ROCK2: variants seen among roughly 807,000 people sequenced by gnomAD.
ROCK2 encodes the protein Rho associated coiled-coil containing protein kinase 2.
Under a neutral mutation model 195.1 loss-of-function variants are expected in ROCK2, and 61 were observed. That is an observed-to-expected ratio of 0.31 (90% confidence interval 0.25 to 0.39). ROCK2 has a LOEUF of 0.39. ROCK2 is among the 10% of genes least tolerant of loss of function. The pLI is 1.00. For missense variants in ROCK2, 1,109 were observed against 1,637.4 expected, an observed-to-expected ratio of 0.68 and a Z score of 5.57; for synonymous variants, 504 against 545.5, an observed-to-expected ratio of 0.92 and a Z score of 1.06.
chr2:11,269,638 G>A (rs887525981), intron 3 of ROCK2, among the ~76,000 whole-genome samples: 11 of 151,888 alleles, frequency 7.2e-5, no homozygotes, highest in Middle Eastern at 3.2e-3. Context: ...CTGTTTCTTC[G>A]GATATAAGAC....
chr2:11,215,124 C>T, intron 15 of ROCK2, 38 bp from the exon 16 acceptor site: 1 of 1,610,428 alleles, frequency 6.2e-7, no homozygotes, highest in South Asian at 1.1e-5. Context: ...AACAAACAAA[C>T]ACACATGTAT....
At chr2:11,260,370 C>T (rs1308674783) in intron 3 of ROCK2, among the ~76,000 whole-genome samples, 1 of 147,212 alleles carries the variant, frequency 6.8e-6, no homozygotes, top group African/African-American at 2.5e-5. Flanking sequence ...ATTGCTTGAA[C>T]CTGGGAGGTA....
At chr2:11,284,785 G>A (rs976868361) in intron 3 of ROCK2, among the ~76,000 whole-genome samples, 2 of 152,188 alleles carry the variant, frequency 1.3e-5, no homozygotes, top group Non-Finnish European at 2.9e-5. Flanking sequence ...ACTATTCCCT[G>A]TGTTCTTCAC....
intron 3 of ROCK2, among the ~76,000 whole-genome samples, chr2:11,280,725 C>A (rs747082636): frequency 6.6e-6 from 1 of 152,034 alleles, no homozygotes; most frequent in Non-Finnish European, 1.5e-5. Flanking sequence ...AAAACTCATA[C>A]AAGAAGAAAC....
intron 4 of ROCK2, among the ~76,000 whole-genome samples, chr2:11,247,841 G>A (rs1453390200): frequency 4.6e-5 from 7 of 151,870 alleles, no homozygotes; most frequent in Non-Finnish European, 7.4e-5. Context: ...CCAACATGGT[G>A]AGACCCCGTC....
Position 11,308,702 on chromosome 2 carries a change from A to G in ROCK2, c.142-20966T>C, listed in dbSNP as rs894568754. 7 of 1,594,378 alleles carry G rather than the reference A, an allele frequency of 4.4e-6. No individual in the cohort carries two copies. The African/African-American group carries it at 8.0e-5, about 18-fold the overall frequency. On this transcript the variant is annotated intron_variant, in intron 1 of 32. Transcript: ENST00000315872. ...TTTTAATGTGGACATTGAGCTCCAG[A>G]AGCATGTTGAAAAATTAACCAAAGG...
intron 3 of ROCK2, among the ~76,000 whole-genome samples, chr2:11,256,567 AAT>A (rs954255196): frequency 6.7e-6 from 1 of 150,328 alleles, no homozygotes; most frequent in African/African-American, 2.5e-5. Flanking sequence ...ACATATATCT[AAT>A]ATACATATTA....
rs566512504 is a variant in ROCK2 at position 11,243,711 on chromosome 2, A to T, written c.462+5950T>A. 9.8e-5 allele frequency among the ~76,000 whole-genome samples: 15 copies of T among 152,362 alleles called. No homozygotes were observed. The South Asian group carries it at 2.9e-3, about 29-fold the overall frequency. On this transcript the variant is annotated intron_variant, in intron 4 of 32. Transcript: ENST00000315872. ...TCATCAAAAACAAGGAAAGTATGAG[A>T]AACTGTCACAGCCAAGAAGAGCCCA...
chr2:11,291,085 A>C (rs1667348654), intron 1 of ROCK2, among the ~76,000 whole-genome samples: 1 of 152,232 alleles, frequency 6.6e-6, no homozygotes, highest in Non-Finnish European at 1.5e-5. Flanking sequence ...AACATGTATA[A>C]GCCAAACACC....
chr2:11,188,479 G>A (rs900607425), intron 32 of ROCK2, among the ~76,000 whole-genome samples: 1 of 151,918 alleles, frequency 6.6e-6, no homozygotes, highest in African/African-American at 2.4e-5. Flanking sequence ...TCAAAAATTA[G>A]CATTTTATTC....
intron 3 of ROCK2, among the ~76,000 whole-genome samples, chr2:11,271,445 T>C (rs1186005127): frequency 6.6e-6 from 1 of 152,236 alleles, no homozygotes; most frequent in Non-Finnish European, 1.5e-5. Context: ...CGTGGCAATT[T>C]CTGCTTATGA....
At chr2:11,330,349 T>A (rs1024478126) in intron 1 of ROCK2, among the ~76,000 whole-genome samples, 1 of 152,230 alleles carries the variant, frequency 6.6e-6, no homozygotes, top group Non-Finnish European at 1.5e-5. Context: ...CCACAGGGTA[T>A]GTAGTTTTGT....
chr2:11,261,017 T>G (rs1431904425), intron 3 of ROCK2, among the ~76,000 whole-genome samples: 4 of 152,252 alleles, frequency 2.6e-5, no homozygotes, highest in Non-Finnish European at 5.9e-5. Flanking sequence ...TGAGACTGCG[T>G]AGTGGCTGGC....
At chr2:11,320,438 A>G (rs1668366328) in intron 1 of ROCK2, among the ~76,000 whole-genome samples, 5 of 152,160 alleles carry the variant, frequency 3.3e-5, no homozygotes, top group Admixed American at 3.3e-4. Flanking sequence ...TTAACACTTA[A>G]ATGTAAGGAA....
chr2:11,244,942 C>T (rs892373449), intron 4 of ROCK2, among the ~76,000 whole-genome samples: 1 of 151,642 alleles, frequency 6.6e-6, no homozygotes, highest in Non-Finnish European at 1.5e-5. Context: ...AACCAAGAGC[C>T]CATGTTTAAA....
Position 11,220,561 on chromosome 2 carries a change from CAT to C in ROCK2, c.1259+635_1259+636del, listed in dbSNP as rs1218604765. Among the ~76,000 whole-genome samples the C allele has an allele frequency of 2.0e-4, 31 of 152,332 alleles. 1 individual carries two copies. The highest frequency in any genetic ancestry group is 1.6e-4 in the Non-Finnish European group (11 of 68,024). On this transcript the variant is annotated intron_variant, in intron 9 of 32. Coordinates refer to ENST00000315872, the MANE Select transcript of ROCK2 (RefSeq NM_004850.5). ...GCAGAGACTACAGGCAAGAAAACCA[CAT>C]AGTCTCATCGAGTCCTCCAAACTGT...
At chr2:11,189,993 T>A (rs1308039967) in intron 32 of ROCK2, among the ~76,000 whole-genome samples, 1 of 151,754 alleles carries the variant, frequency 6.6e-6, no homozygotes, top group Non-Finnish European at 1.5e-5. Context: ...AGACCCTGTC[T>A]CAATAATAAT....
At chr2:11,291,214 T>C (rs1209991738) in intron 1 of ROCK2, among the ~76,000 whole-genome samples, 1 of 152,254 alleles carries the variant, frequency 6.6e-6, no homozygotes, top group Non-Finnish European at 1.5e-5. Context: ...AAATGAAGTA[T>C]TGAACTTGAT....
rs77986449 is a variant in ROCK2, at chr2:11,220,347, C to G, written c.1259+851G>C. Reference sequence around the variant, plus strand: ...TTTCTTTTGTAAAGACAGGGTTCCACTTTGTTGCCTAGGCTGGTCTAGAAC... The same window carrying G: ...TTTCTTTTGTAAAGACAGGGTTCCAGTTTGTTGCCTAGGCTGGTCTAGAAC... On this transcript the variant is annotated intron_variant, in intron 9 of 32. Coordinates refer to ENST00000315872, the MANE Select transcript of ROCK2 (RefSeq NM_004850.5). Among the ~76,000 whole-genome samples the G allele has an allele frequency of 9.1e-4, 139 of 152,032 alleles. 1 individual carries two copies. The East Asian group carries it at 0.023, about 25-fold the overall frequency.
Sources: allele counts gnomAD v4.1 joint callset (sites outside exome capture counted in the v4.1 genomes callset), GRCh38; gene constraint gnomAD v4.1.1; transcripts MANE v1.5; gene names NCBI Gene and HGNC (gene_info 2026-07-23, HGNC 2026-07-21).